The following MYO5B variants were observed in gnomAD, a reference collection of about 807,000 sequenced individuals.
MYO5B encodes unconventional myosin-Vb.
MYO5B carries 143 observed loss-of-function variants against 229.3 expected under a neutral mutation model. The observed-to-expected ratio is 0.62, with a 90% CI of 0.54 to 0.72. MYO5B has a LOEUF of 0.72. Ranked by LOEUF, MYO5B falls within the 30% of genes least tolerant of loss-of-function variation. The pLI is 0.00. For synonymous variants in MYO5B, 918 were observed against 885.2 expected, an observed-to-expected ratio of 1.04 and a Z score of -0.66; for missense variants, 2,321 against 2,331.0, an observed-to-expected ratio of 1.00 and a Z score of 0.09.
chr18:49,868,038 C>T lies in MYO5B; in HGVS notation c.3604-3658G>A, dbSNP rs114831026. Reference sequence around the variant, plus strand: ...ATCATGTCATAAAATTTTAATCAACCATGGAAATCATGTTTACAAAGACAT... The same window carrying T: ...ATCATGTCATAAAATTTTAATCAACTATGGAAATCATGTTTACAAAGACAT... On this transcript the variant is annotated intron_variant, in intron 27 of 39. Transcript: ENST00000285039. 4.0e-3 allele frequency among the ~76,000 whole-genome samples: 610 copies of T among 151,956 alleles called. 7 individuals are homozygous for T. Among genetic ancestry groups the T allele is most frequent in the African/African-American group, 0.013 (542 of 41,446 alleles).
At chr18:50,073,090 A>C (rs1294538475) in intron 1 of MYO5B, among the ~76,000 whole-genome samples, 1 of 152,236 alleles carries the variant, frequency 6.6e-6, no homozygotes, top group Non-Finnish European at 1.5e-5. Flanking sequence ...CCAGAAGTTG[A>C]CTGAGTAGTT....
chr18:50,004,428 T>C (rs143054607), intron 4 of MYO5B, among the ~76,000 whole-genome samples: 104 of 152,372 alleles, frequency 6.8e-4, no homozygotes, highest in African/African-American at 2.4e-3. Context: ...GTAGTGCTAA[T>C]TCTGCCTAAC....
rs116570338 is a variant in MYO5B at position 49,925,584 on chromosome 18, T to C, written c.2090+3928A>G. On this transcript the variant is annotated intron_variant, in intron 17 of 39. Coordinates refer to ENST00000285039, the MANE Select transcript of MYO5B (RefSeq NM_001080467.3). Reference sequence around the variant, plus strand: ...ATTGATATCCTAACCCATAAATGGGTTGCAGTGCACAGTTCTGAGAAACAG... The same window carrying C: ...ATTGATATCCTAACCCATAAATGGGCTGCAGTGCACAGTTCTGAGAAACAG... Among the ~76,000 whole-genome samples the C allele has an allele frequency of 2.9e-3, 439 of 152,264 alleles. 4 individuals are homozygous for C. The highest frequency in any genetic ancestry group is 0.01 in the African/African-American group (428 of 41,556).
At chr18:49,989,012 G>C (rs189688352) in intron 7 of MYO5B, among the ~76,000 whole-genome samples, 17 of 152,154 alleles carry the variant, frequency 1.1e-4, no homozygotes, top group African/African-American at 4.1e-4. Flanking sequence ...TTACTTCCTG[G>C]GGGGAGCCTC....
intron 1 of MYO5B, among the ~76,000 whole-genome samples, chr18:50,114,840 AG>A (rs2031930370): frequency 6.6e-6 from 1 of 152,164 alleles, no homozygotes; most frequent in African/African-American, 2.4e-5. Context: ...CCCTTGATAA[AG>A]CCCATGACAG....
chr18:50,178,328 A>T (rs936711712), intron 1 of MYO5B, among the ~76,000 whole-genome samples: 4 of 152,226 alleles, frequency 2.6e-5, no homozygotes, highest in African/African-American at 9.6e-5. Context: ...AGTGTGTATG[A>T]CTGAAAAATA....
At chr18:49,925,213 T>C (rs2144186828) in intron 17 of MYO5B, among the ~76,000 whole-genome samples, 1 of 152,386 alleles carries the variant, frequency 6.6e-6, no homozygotes, top group Non-Finnish European at 1.5e-5. Flanking sequence ...GATAAAACCC[T>C]GGTCTCCACC....
rs543923047 is a variant in MYO5B at position 50,000,948 on chromosome 18, T to C, written c.612+307A>G. Among the ~76,000 whole-genome samples the C allele has an allele frequency of 2.6e-5, 4 of 152,248 alleles. No homozygotes were observed. In the East Asian group the frequency reaches 7.7e-4, roughly 29 times the overall value. ...GAACACTGATTTCTGACACGTGATG[T>C]CAGCAGGGAAGGGGACAGCAACAGA... On this transcript the variant is annotated intron_variant, in intron 5 of 39. Coordinates refer to ENST00000285039, the MANE Select transcript of MYO5B (RefSeq NM_001080467.3).
intron 14 of MYO5B, among the ~76,000 whole-genome samples, chr18:49,942,816 A>G (rs568783770): frequency 1.3e-5 from 2 of 152,332 alleles, no homozygotes; most frequent in South Asian, 4.1e-4. Context: ...GCGATTCCTC[A>G]GGGATCTAGA....
In MYO5B at chr18:49,837,483, CTATCTGTGTTGTTGGGGGGT is replaced by C. The variant is rs2024001688; in HGVS notation, c.5138+14_5138+33del. ...TAGCTGCAGTCAGTGAGGGCCCACT[CTATCTGTGTTGTTGGGGGGT>C]GCTCCTCCCTTACCTGAGTTGCATG... is the stretch of plus-strand genomic sequence containing the variant. On this transcript the variant is annotated intron_variant, in intron 37 of 39. Coordinates refer to ENST00000285039, the MANE Select transcript of MYO5B (RefSeq NM_001080467.3). The C allele has an allele frequency of 6.2e-7, 1 of 1,612,868 alleles. No individual in the cohort carries two copies. The highest frequency in any genetic ancestry group is 1.3e-5 in the African/African-American group (1 of 74,922).
Position 49,825,255 on chromosome 18 carries a change from T to G in MYO5B, c.*1216A>C, listed in dbSNP as rs143821954. 1.7e-4 allele frequency: 26 copies of G among 152,314 alleles called. No individual in the cohort carries two copies. The East Asian group carries it at 4.6e-3, about 27-fold the overall frequency. 9.4% of individuals were successfully genotyped at this position (152,314 alleles called of 1,614,324 possible). On this transcript the variant is annotated 3_prime_UTR_variant, in exon 40 of 40. Coordinates refer to ENST00000285039, the MANE Select transcript of MYO5B (RefSeq NM_001080467.3). ...AAACCAAAAACAAGTTAAAAAAAAT[T>G]CTAAGAGCAGCAAACATCTAAGCCT...
rs1185060826 is a variant in MYO5B, at chr18:49,972,156, C to A, written c.1322+2194G>T. On this transcript the variant is annotated intron_variant, in intron 10 of 39. Transcript: ENST00000285039. ...AGACCAAGTCCTCCAGGTTGCCACC[C>A]CATCCATGGAAAACTATTGTTTTCA... Among the ~76,000 whole-genome samples, 3 of 152,170 alleles carry A rather than the reference C, an allele frequency of 2.0e-5. No homozygotes were observed. The South Asian group carries it at 6.2e-4, about 32-fold the overall frequency.
At chr18:49,954,212 T>A in intron 13 of MYO5B, 101 bp downstream of exon 13, 1 of 1,553,008 alleles carries the variant, frequency 6.4e-7, no homozygotes. Flanking sequence ...TTCAGGCCAT[T>A]TGAATTCAGA....
chr18:49,843,381 G>A lies in MYO5B; in HGVS notation c.4471C>T (p.Gln1491Ter). The A allele has an allele frequency of 6.2e-7, 1 of 1,614,192 alleles. No homozygotes were observed. The highest frequency in any genetic ancestry group is 8.5e-7 in the Non-Finnish European group (1 of 1,180,040). Residue 1491 changes from glutamine to a stop codon, truncating the protein, a stop_gained, in exon 34 of 40, where the codon CAG becomes TAG. Transcript: ENST00000285039. LOFTEE classifies it high-confidence loss of function. The part of the protein sequence containing the change: ...IRNLVTDLKP[Q>*]MLSGTVPCLP... ...CAGGGCACTGTGCCCGACAGCATCT[G>A]GGGCTTCAAGTCTAAGGGCAACGAG...
intron 1 of MYO5B, among the ~76,000 whole-genome samples, chr18:50,167,867 G>A (rs2032875280): frequency 6.6e-6 from 1 of 152,056 alleles, no homozygotes; most frequent in Non-Finnish European, 1.5e-5. Flanking sequence ...TGGCCCCACG[G>A]GTAAGGCAAA....
At chr18:49,997,035 G>A (rs2025995104) in intron 5 of MYO5B, among the ~76,000 whole-genome samples, 1 of 152,076 alleles carries the variant, frequency 6.6e-6, no homozygotes, top group Non-Finnish European at 1.5e-5. Context: ...AAAGGCCTAG[G>A]TGGGTGGATC....
intron 1 of MYO5B, among the ~76,000 whole-genome samples, chr18:50,127,856 T>C (rs1488745596): frequency 6.6e-6 from 1 of 152,150 alleles, no homozygotes; most frequent in Admixed American, 6.5e-5. Context: ...ATGCAATCAG[T>C]TGAAAACCCA....
rs553265964 is a variant in MYO5B at position 49,880,008 on chromosome 18, C to T, written c.3130+363G>A. Reference sequence around the variant, plus strand: ...TAAGCACTTCACGTGCAGCCTCTTCCTCATTCCTCCCATGAGCCCCCCGAT... The same window carrying T: ...TAAGCACTTCACGTGCAGCCTCTTCTTCATTCCTCCCATGAGCCCCCCGAT... On this transcript the variant is annotated intron_variant, in intron 23 of 39. Coordinates refer to ENST00000285039, the MANE Select transcript of MYO5B (RefSeq NM_001080467.3). Among the ~76,000 whole-genome samples, 69 of 152,342 alleles carry T rather than the reference C, an allele frequency of 4.5e-4. No individual in the cohort carries two copies. The Middle Eastern group carries it at 0.02, about 45-fold the overall frequency.
Position 49,895,093 on chromosome 18 carries a change from CCTT to C in MYO5B, c.2890_2892del (p.Lys964del), listed in dbSNP as rs756861105. On this transcript the variant is annotated inframe_deletion, in exon 22 of 40. Transcript: ENST00000285039. ...GGGCTCTGCTGGTAGTGCACCAGCTCCTTCTTCAGCCGCTCTACCTCCATGGTG... is the reference window on the plus strand; with the variant it reads ...GGGCTCTGCTGGTAGTGCACCAGCTCCTTCAGCCGCTCTACCTCCATGGTG... 1.9e-6 allele frequency: 3 copies of C among 1,614,124 alleles called. No individual in the cohort carries two copies. Among genetic ancestry groups the C allele is most frequent in the South Asian group, 1.1e-5 (1 of 91,078 alleles).
Sources: allele counts gnomAD v4.1 joint callset (sites outside exome capture counted in the v4.1 genomes callset), GRCh38; gene constraint gnomAD v4.1.1; transcripts MANE v1.5; gene names NCBI Gene and HGNC (gene_info 2026-07-23, HGNC 2026-07-21).